The following LGR4 variants were observed in gnomAD, a reference collection of about 807,000 sequenced individuals.
The protein encoded by LGR4 is leucine-rich repeat-containing G protein-coupled receptor 4.
In LGR4, 44 loss-of-function variants were observed where a neutral mutation model predicts 84.8. The ratio of observed to expected loss-of-function variants is 0.52; its 90% CI spans 0.41 to 0.67. The LOEUF is 0.67. Among genes scored for constraint, LGR4 ranks in the 30% least tolerant of loss-of-function variants. The pLI, the probability that LGR4 is intolerant of heterozygous loss-of-function variation, is 0.00. For missense variants in LGR4, 1,032 were observed against 1,131.4 expected (o/e 0.91, Z 1.26); for synonymous variants, 429 against 434.3 (o/e 0.99, Z 0.15).
intron 1 of LGR4, among the ~76,000 whole-genome samples, chr11:27,451,158 A>G (rs12789402): frequency 0.083 from 12,649 of 152,298 alleles, 773 homozygotes; most frequent in Non-Finnish European, 0.12. Context: ...AAGTTAGCAC[A>G]ATTTTTCACT....
intron 1 of LGR4, among the ~76,000 whole-genome samples, chr11:27,424,236 A>G (rs1360784618): frequency 2.6e-5 from 4 of 152,118 alleles, no homozygotes; most frequent in African/African-American, 9.7e-5. Context: ...CATTATAAAG[A>G]CCATAATCTT....
rs764716496 is a variant in LGR4, at chr11:27,368,404, A to G, written c.2319T>C (p.Thr773=). ...VAFFSFAPLI[T]AISISPEIMK... is the part of the protein sequence containing the mutation. ...TTATTTCGGGGCTGATAGAGATTGC[A>G]GTGATCAATGGTGCAAATGAAAAAA... The change falls in exon 18 of 18, where the codon ACT becomes ACC. Residue 773 remains threonine (T), a synonymous_variant. Coordinates refer to ENST00000379214, the MANE Select transcript of LGR4 (RefSeq NM_018490.5). The G allele has an allele frequency of 4.3e-6, 7 of 1,613,874 alleles. No homozygotes were observed. Among genetic ancestry groups the G allele is most frequent in the African/African-American group, 1.3e-5 (1 of 74,996 alleles).
chr11:27,376,266 T>A (rs781500618), intron 13 of LGR4, 33 bp downstream of exon 13: 8 of 1,286,622 alleles, frequency 6.2e-6, no homozygotes, highest in East Asian at 4.7e-5. Context: ...TTGGAAAAAA[T>A]TTATTGTCTT....
At chr11:27,465,824 T>C (rs1864765855) in intron 1 of LGR4, among the ~76,000 whole-genome samples, 1 of 152,204 alleles carries the variant, frequency 6.6e-6, no homozygotes, top group South Asian at 2.1e-4. Flanking sequence ...GGCAGACAAA[T>C]TAGCCATTGT....
chr11:27,450,950 T>C (rs1320820855), intron 1 of LGR4, among the ~76,000 whole-genome samples: 1 of 152,174 alleles, frequency 6.6e-6, no homozygotes, highest in African/African-American at 2.4e-5. Context: ...CAAAATAATG[T>C]CCAGTGGCAG....
chr11:27,465,760 T>A (rs1312446613), intron 1 of LGR4, among the ~76,000 whole-genome samples: 1 of 152,208 alleles, frequency 6.6e-6, no homozygotes, highest in African/African-American at 2.4e-5. Flanking sequence ...AGTTGACACC[T>A]AGCATACAGT....
chr11:27,447,990 C>T (rs1446682737), intron 1 of LGR4, among the ~76,000 whole-genome samples: 1 of 152,216 alleles, frequency 6.6e-6, no homozygotes, highest in African/African-American at 2.4e-5. Context: ...GTTAACATAG[C>T]ACCATGTATG....
Position 27,452,676 on chromosome 11 carries a change from T to C in LGR4, c.185+19442A>G, listed in dbSNP as rs1479015922. Among the ~76,000 whole-genome samples, 10 of 142,812 alleles carry C rather than the reference T, an allele frequency of 7.0e-5. 1 individual carries two copies. The Admixed American group carries it at 7.5e-4, about 11-fold the overall frequency. The allele number at this position is 142,812 out of a possible 152,430, so 93.7% of individuals were successfully genotyped here. On this transcript the variant is annotated intron_variant, in intron 1 of 17. Coordinates refer to ENST00000379214, the MANE Select transcript of LGR4 (RefSeq NM_018490.5). ...AGAGTCTCTGTCGCCCCGGCTGGAG[T>C]GCAGTGGCGCGATCTCGGCTCACTG...
intron 6 of LGR4, among the ~76,000 whole-genome samples, chr11:27,383,704 C>G (rs1392277889): frequency 2.0e-5 from 3 of 152,064 alleles, no homozygotes; most frequent in African/African-American, 7.2e-5. Context: ...ATCACAACAG[C>G]AAAAATTACA....
At chr11:27,459,018 G>A (rs1864625577) in intron 1 of LGR4, among the ~76,000 whole-genome samples, 1 of 152,090 alleles carries the variant, frequency 6.6e-6, no homozygotes, top group Non-Finnish European at 1.5e-5. Context: ...CCTTAAATGA[G>A]CCAATAAATT....
At chr11:27,383,825 G>A (rs1279095720) in intron 6 of LGR4, among the ~76,000 whole-genome samples, 1 of 152,148 alleles carries the variant, frequency 6.6e-6, no homozygotes, top group Non-Finnish European at 1.5e-5. Context: ...TTATATAGTG[G>A]TGCAATGTAC....
rs531464296 is a variant in LGR4, at chr11:27,469,380, CCT to C, written c.185+2736_185+2737del. ...GTGCTGAGAATGAATCTGAAAATCC[CCT>C]GTGGGAATGGTGTCTGAATTCCATG... is the stretch of plus-strand genomic sequence containing the variant. On this transcript the variant is annotated intron_variant, in intron 1 of 17. Transcript: ENST00000379214. 2.6e-5 allele frequency among the ~76,000 whole-genome samples: 4 copies of C among 152,296 alleles called. No individual in the cohort carries two copies. In the South Asian group the frequency reaches 6.2e-4, roughly 24 times the overall value.
In LGR4 at chr11:27,412,720, T is replaced by C. The variant is rs1377012955; in HGVS notation, c.257+69A>G. On this transcript the variant is annotated intron_variant, in intron 2 of 17. Transcript: ENST00000379214. ...CTAACAGAAAACATCAGACTTTCTC[T>C]GTAGCAAAAGCTTCCAAAATGAATT... The C allele has an allele frequency of 3.2e-6, 3 of 939,512 alleles. No homozygotes were observed. In the African/African-American group the frequency reaches 4.9e-5, roughly 15 times the overall value. The allele number at this position is 939,512 out of a possible 1,614,324, so 58.2% of individuals were successfully genotyped here. A position where few individuals can be genotyped will look rare whatever the true frequency, so the allele number is the denominator to read the frequency against.
intron 4 of LGR4, among the ~76,000 whole-genome samples, chr11:27,387,105 T>C (rs938872282): frequency 5.3e-5 from 8 of 152,144 alleles, no homozygotes; most frequent in Non-Finnish European, 7.4e-5. Context: ...CTTAAATACA[T>C]AATCATACAA....
At chr11:27,402,787 A>G (rs1763630354) in intron 2 of LGR4, among the ~76,000 whole-genome samples, 2 of 152,180 alleles carry the variant, frequency 1.3e-5, no homozygotes, top group Admixed American at 6.5e-5. Flanking sequence ...ACTGGGAACT[A>G]TGCCCCTCTT....
At chr11:27,430,544 G>A (rs1177814372) in intron 1 of LGR4, among the ~76,000 whole-genome samples, 2 of 152,080 alleles carry the variant, frequency 1.3e-5, no homozygotes, top group African/African-American at 4.8e-5. Flanking sequence ...AGCTTTTCAT[G>A]GGCCTCCATT....
intron 2 of LGR4, among the ~76,000 whole-genome samples, chr11:27,407,511 G>C (rs1863634384): frequency 6.6e-6 from 1 of 152,050 alleles, no homozygotes; most frequent in Non-Finnish European, 1.5e-5. Context: ...GGTCTCATGA[G>C]TATTAAATGC....
At position 27,472,149 on chromosome 11, in the gene LGR4, G is replaced by C. The variant is rs1428370107; in HGVS notation, c.154C>G (p.Pro52Ala). 3 of 1,372,958 alleles carry C rather than the reference G, an allele frequency of 2.2e-6. No homozygotes were observed. Among genetic ancestry groups the C allele is most frequent in the Non-Finnish European group, 2.8e-6 (3 of 1,059,516 alleles). The allele number at this position is 1,372,958 out of a possible 1,614,324, so 85.0% of individuals were successfully genotyped here. ...TGGGTGAAGGCGCTGAGCCCCTCGG[G>C]CACGGCCGTCAGCCCCTTCCCGGAG... ...DCSGKGLTAV[P>A]EGLSAFTQAL... The change falls in exon 1 of 18, where the codon CCC becomes GCC. Residue 52 changes from proline (P) to alanine (A), a missense_variant. Physicochemically the swap from Pro to Ala is conservative, Grantham distance 27 (BLOSUM62 -1). Coordinates refer to ENST00000379214, the MANE Select transcript of LGR4 (RefSeq NM_018490.5).
At chr11:27,376,227 T>A in intron 13 of LGR4, 72 bp downstream of exon 13, 1 of 871,486 alleles carries the variant, frequency 1.1e-6, no homozygotes, top group East Asian at 2.5e-5. Context: ...TCTAGTAACA[T>A]GGAAATCATA....
Sources: allele counts gnomAD v4.1 joint callset (sites outside exome capture counted in the v4.1 genomes callset), GRCh38; gene constraint gnomAD v4.1.1; transcripts MANE v1.5; gene names NCBI Gene and HGNC (gene_info 2026-07-23, HGNC 2026-07-21).